The following SH3GL2 variants were observed in gnomAD, a reference collection of about 807,000 sequenced individuals.
SH3GL2 encodes the protein endophilin-A1.
In SH3GL2, 24 loss-of-function variants were observed where a neutral mutation model predicts 46.0. The ratio of observed to expected loss-of-function variants is 0.52; its 90% CI spans 0.38 to 0.73. The LOEUF (loss-of-function observed/expected upper bound fraction) is 0.73, where lower values mean the gene tolerates loss of function less well. SH3GL2 is among the 30% of genes least tolerant of loss of function. The pLI is 0.00. For missense variants in SH3GL2, 413 were observed against 424.2 expected (o/e 0.97, Z 0.23); for synonymous variants, 196 against 147.1 (o/e 1.33, Z -2.40).
chr9:17,775,360 G>T (rs1823612317), intron 3 of SH3GL2, among the ~76,000 whole-genome samples: 2 of 152,284 alleles, frequency 1.3e-5, no homozygotes, highest in African/African-American at 2.4e-5. Flanking sequence ...TTCTCCAAAA[G>T]TGGGAAAACA....
chr9:17,728,397 G>A (rs1258979324), intron 1 of SH3GL2, among the ~76,000 whole-genome samples: 3 of 151,996 alleles, frequency 2.0e-5, no homozygotes, highest in African/African-American at 4.8e-5. Context: ...CAGCAGAATG[G>A]TGGTGGTATC....
chr9:17,624,713 A>G (rs1371421098), intron 1 of SH3GL2, among the ~76,000 whole-genome samples: 1 of 152,184 alleles, frequency 6.6e-6, no homozygotes, highest in African/African-American at 2.4e-5. Flanking sequence ...TTTCTGGCAT[A>G]ACAATGTGAT....
At chr9:17,634,357 A>G (rs1489123343) in intron 1 of SH3GL2, among the ~76,000 whole-genome samples, 1 of 152,004 alleles carries the variant, frequency 6.6e-6, no homozygotes, top group Non-Finnish European at 1.5e-5. Context: ...CACAAAGAAG[A>G]GACTAGAAAT....
At chr9:17,732,604 G>C (rs1822214679) in intron 1 of SH3GL2, among the ~76,000 whole-genome samples, 1 of 152,052 alleles carries the variant, frequency 6.6e-6, no homozygotes, top group Non-Finnish European at 1.5e-5. Context: ...TTAGGCACAG[G>C]GGCCATGGGA....
At chr9:17,745,813 C>A (rs1174632803) in intron 1 of SH3GL2, among the ~76,000 whole-genome samples, 1 of 152,094 alleles carries the variant, frequency 6.6e-6, no homozygotes, top group African/African-American at 2.4e-5. Flanking sequence ...TGGTAGGAAT[C>A]TTCTTAAAGA....
chr9:17,755,771 A>T, intron 2 of SH3GL2: 4 of 985,064 alleles, frequency 4.1e-6, no homozygotes, highest in Non-Finnish European at 4.8e-6. Flanking sequence ...AAACAACGCC[A>T]CGCTGTTCAC....
At position 17,606,182 on chromosome 9, in the gene SH3GL2, G is replaced by A. The variant is rs544522787; in HGVS notation, c.45+26895G>A. Among the ~76,000 whole-genome samples the A allele has an allele frequency of 6.6e-5, 10 of 151,962 alleles. No homozygotes were observed. In the South Asian group the frequency reaches 1.2e-3, roughly 19 times the overall value. ...ATCTCAGCTCACTGCAACCTCTGCC[G>A]CCTGGGTTCAAGCGATTCTCCTGCC... is the stretch of plus-strand genomic sequence containing the variant. On this transcript the variant is annotated intron_variant, in intron 1 of 8. Coordinates refer to ENST00000380607, the MANE Select transcript of SH3GL2 (RefSeq NM_003026.5).
intron 1 of SH3GL2, among the ~76,000 whole-genome samples, chr9:17,726,059 G>A (rs1822013382): frequency 6.6e-6 from 1 of 152,152 alleles, no homozygotes; most frequent in Non-Finnish European, 1.5e-5. Flanking sequence ...TTCTTGAAGA[G>A]ATGTTTCTTC....
At chr9:17,636,674 A>G (rs997078728) in intron 1 of SH3GL2, among the ~76,000 whole-genome samples, 6 of 152,218 alleles carry the variant, frequency 3.9e-5, no homozygotes, top group African/African-American at 1.4e-4. Flanking sequence ...TCACCCTTAT[A>G]TCAACTGGAA....
At chr9:17,757,223 C>T (rs919457711) in intron 2 of SH3GL2, among the ~76,000 whole-genome samples, 1 of 152,082 alleles carries the variant, frequency 6.6e-6, no homozygotes, top group African/African-American at 2.4e-5. Context: ...TAGACAATAC[C>T]ATTCAGGACA....
chr9:17,760,242 C>G (rs1234077933), intron 2 of SH3GL2, among the ~76,000 whole-genome samples: 3 of 152,120 alleles, frequency 2.0e-5, no homozygotes, highest in African/African-American at 7.2e-5. Context: ...ATTATAACTT[C>G]ACAAGAAAAA....
intron 8 of SH3GL2, among the ~76,000 whole-genome samples, chr9:17,794,430 G>A (rs972959609): frequency 3.9e-5 from 6 of 152,094 alleles, no homozygotes; most frequent in African/African-American, 7.2e-5. Flanking sequence ...TGTCCTTTGC[G>A]CTCAGCACTT....
chr9:17,758,690 T>G (rs1336442351), intron 2 of SH3GL2, among the ~76,000 whole-genome samples: 2 of 151,556 alleles, frequency 1.3e-5, no homozygotes, highest in African/African-American at 4.8e-5. Context: ...GTAACTGTAT[T>G]GAATAAAGTT....
chr9:17,737,825 C>G (rs550628112), intron 1 of SH3GL2, among the ~76,000 whole-genome samples: 30 of 152,232 alleles, frequency 2.0e-4, no homozygotes, highest in South Asian at 1.5e-3. Context: ...TGGCAACACA[C>G]TCTCCTGTGC....
Position 17,796,830 on chromosome 9 carries a change from G to A in SH3GL2, c.*1087G>A, listed in dbSNP as rs1348135385. On this transcript the variant is annotated 3_prime_UTR_variant, in exon 9 of 9. Coordinates refer to ENST00000380607, the MANE Select transcript of SH3GL2 (RefSeq NM_003026.5). ...ATATGCAAAACTCTTTCCCAATTCA[G>A]TCGCTACTTTTACTTCTGCCCTTTC... The A allele has an allele frequency of 6.6e-6, 1 of 152,642 alleles. No individual in the cohort carries two copies. Among genetic ancestry groups the A allele is most frequent in the African/African-American group, 2.4e-5 (1 of 41,450 alleles). The allele number at this position is 152,642 out of a possible 1,614,324, so 9.5% of individuals were successfully genotyped here.
intron 1 of SH3GL2, among the ~76,000 whole-genome samples, chr9:17,666,725 T>C (rs568040873): frequency 6.6e-6 from 1 of 152,110 alleles, no homozygotes; most frequent in Non-Finnish European, 1.5e-5. Context: ...GATAACCTAG[T>C]GTATATATAT....
chr9:17,621,160 T>G (rs1428800470), intron 1 of SH3GL2, among the ~76,000 whole-genome samples: 1 of 152,200 alleles, frequency 6.6e-6, no homozygotes, highest in Non-Finnish European at 1.5e-5. Flanking sequence ...GTATCATGAT[T>G]TGGGTTATCA....
chr9:17,746,344 G>A (rs1049706288), intron 1 of SH3GL2, among the ~76,000 whole-genome samples: 1 of 152,138 alleles, frequency 6.6e-6, no homozygotes, highest in Non-Finnish European at 1.5e-5. Flanking sequence ...CCAAAGTGCT[G>A]GGATTACAGG....
At chr9:17,661,716 CA>C (rs975884302) in intron 1 of SH3GL2, among the ~76,000 whole-genome samples, 21 of 152,034 alleles carry the variant, frequency 1.4e-4, no homozygotes, top group African/African-American at 5.1e-4. Context: ...AGAGTGTGAT[CA>C]AAAGTTTGCA....
Sources: gnomAD v4.1 joint callset for allele counts (sites outside exome capture counted in the v4.1 genomes callset) on GRCh38, gnomAD v4.1.1 for gene constraint, MANE v1.5 for transcripts, NCBI Gene and HGNC (gene_info 2026-07-23, HGNC 2026-07-21) for gene names.